Variants in PXDNL observed in about 807,000 individuals in gnomAD.
The protein encoded by PXDNL is probable oxidoreductase PXDNL.
In PXDNL, 145 loss-of-function variants were observed where a neutral mutation model predicts 150.8. The observed-to-expected ratio is 0.96, with a 90% CI of 0.84 to 1.10. The LOEUF is 1.10. Among genes scored for constraint, PXDNL ranks in the 50% least tolerant of loss-of-function variants. The pLI, the probability that PXDNL is intolerant of heterozygous loss-of-function variation, is 0.00. For missense variants in PXDNL, 2,087 were observed against 1,873.9 expected (o/e 1.11, Z -2.10); for synonymous variants, 757 against 725.7 (o/e 1.04, Z -0.69).
chr8:51,675,618 C>A (rs1168667123), intron 1 of PXDNL, among the ~76,000 whole-genome samples: 1 of 151,704 alleles, frequency 6.6e-6, no homozygotes, highest in South Asian at 2.1e-4. Flanking sequence ...TATGGTGAAA[C>A]CCTGTCTCTA....
chr8:51,499,551 T>TA, intron 5 of PXDNL, 148 bp downstream of exon 5: 1 of 567,256 alleles, frequency 1.8e-6, no homozygotes, highest in Middle Eastern at 2.8e-4. Context: ...TAGAAAGCTT[T>TA]ATATTAACTC....
chr8:51,364,400 T>G (rs1051625672), intron 19 of PXDNL, among the ~76,000 whole-genome samples: 1 of 152,176 alleles, frequency 6.6e-6, no homozygotes, highest in Non-Finnish European at 1.5e-5. Context: ...GGAAAATTTC[T>G]CCCCAGAAGA....
chr8:51,730,400 A>C (rs1455826934), intron 1 of PXDNL, among the ~76,000 whole-genome samples: 2 of 152,232 alleles, frequency 1.3e-5, no homozygotes, highest in African/African-American at 4.8e-5. Flanking sequence ...TATCATTGCT[A>C]TATTTTCATA....
At chr8:51,786,208 A>G (rs957437153) in intron 1 of PXDNL, among the ~76,000 whole-genome samples, 1 of 152,128 alleles carries the variant, frequency 6.6e-6, no homozygotes, top group African/African-American at 2.4e-5. Context: ...CTTTTTTAAG[A>G]AAACAATTTT....
intron 2 of PXDNL, among the ~76,000 whole-genome samples, chr8:51,599,847 C>T (rs1010340551): frequency 1.7e-4 from 21 of 123,194 alleles, no homozygotes; most frequent in African/African-American, 4.3e-4. Flanking sequence ...ATAAATTATA[C>T]CTTATATAAA....
chr8:51,703,753 T>C (rs1222815441), intron 1 of PXDNL, among the ~76,000 whole-genome samples: 1 of 152,238 alleles, frequency 6.6e-6, no homozygotes, highest in Admixed American at 6.5e-5. Context: ...AATGTGTTCA[T>C]ACATTTTAAA....
At chr8:51,579,809 G>T (rs1813164571) in intron 3 of PXDNL, among the ~76,000 whole-genome samples, 2 of 151,854 alleles carry the variant, frequency 1.3e-5, no homozygotes, top group Admixed American at 1.3e-4. Flanking sequence ...ATAAACTATT[G>T]ATATTACGCA....
At position 51,477,970 on chromosome 8, in the gene PXDNL, G is replaced by A. The variant is rs929013952; in HGVS notation, c.525-2829C>T. Among the ~76,000 whole-genome samples, 7 of 151,970 alleles carry A rather than the reference G, an allele frequency of 4.6e-5. No individual in the cohort carries two copies. The South Asian group carries it at 6.2e-4, about 13-fold the overall frequency. ...GGATATAGATTTTCACTTGCCAGTCGAAAAACTCCTTTTATGTTCAGAAAA... is the reference window on the plus strand; with the variant it reads ...GGATATAGATTTTCACTTGCCAGTCAAAAAACTCCTTTTATGTTCAGAAAA... On this transcript the variant is annotated intron_variant, in intron 6 of 22. Coordinates refer to ENST00000356297, the MANE Select transcript of PXDNL (RefSeq NM_144651.5).
At chr8:51,688,083 A>G (rs1008966622) in intron 1 of PXDNL, among the ~76,000 whole-genome samples, 2 of 152,220 alleles carry the variant, frequency 1.3e-5, no homozygotes, top group African/African-American at 4.8e-5. Flanking sequence ...GCAAGAGAAA[A>G]TCATTTACCT....
intron 4 of PXDNL, among the ~76,000 whole-genome samples, chr8:51,503,577 A>C (rs1811229166): frequency 6.6e-6 from 1 of 152,138 alleles, no homozygotes; most frequent in Non-Finnish European, 1.5e-5. Context: ...TTATTTTTCT[A>C]GGCTGTGGAT....
intron 2 of PXDNL, among the ~76,000 whole-genome samples, chr8:51,645,940 C>T (rs1258125440): frequency 6.6e-6 from 1 of 151,892 alleles, no homozygotes; most frequent in Non-Finnish European, 1.5e-5. Flanking sequence ...GTGCTGCGTG[C>T]TGAGCTGTGA....
intron 12 of PXDNL, among the ~76,000 whole-genome samples, chr8:51,444,549 C>G (rs1383663952): frequency 6.6e-6 from 1 of 152,114 alleles, no homozygotes; most frequent in African/African-American, 2.4e-5. Context: ...GAAGGAAATT[C>G]AAAACTAAGA....
intron 21 of PXDNL, 81 bp from the exon 22 acceptor site, chr8:51,320,978 A>G: frequency 9.7e-7 from 1 of 1,036,202 alleles, no homozygotes; most frequent in Non-Finnish European, 1.5e-6. Flanking sequence ...GTTTGATGAA[A>G]TGCTCTATTC....
chr8:51,490,866 TG>T (rs1341741291), intron 5 of PXDNL, among the ~76,000 whole-genome samples: 1 of 152,046 alleles, frequency 6.6e-6, no homozygotes, highest in Non-Finnish European at 1.5e-5. Flanking sequence ...ATTACCTAGC[TG>T]TGATGGTTAA....
Position 51,411,269 on chromosome 8 carries a change from A to G in PXDNL, c.2043T>C (p.Thr681=). The change falls in exon 16 of 23, where the codon ACT becomes ACC. Residue 681 remains threonine (T), a synonymous_variant. Coordinates refer to ENST00000356297, the MANE Select transcript of PXDNL (RefSeq NM_144651.5). ...LIRERVKQGL[T]VDLEGKEFRY... ...GCTGACCTTTGCCTTCCAAGTCCAC[A>G]GTGAGCCCCTGCTTCACACGTTCCC... 6.7e-7 allele frequency: 1 copy of G among 1,501,548 alleles called. No homozygotes were observed. Among genetic ancestry groups the G allele is most frequent in the Non-Finnish European group, 8.9e-7 (1 of 1,127,664 alleles). 93.0% of individuals were successfully genotyped at this position (1,501,548 alleles called of 1,614,324 possible).
intron 4 of PXDNL, among the ~76,000 whole-genome samples, chr8:51,551,143 C>A (rs1202340549): frequency 4.0e-5 from 6 of 151,886 alleles, no homozygotes; most frequent in African/African-American, 1.5e-4. Flanking sequence ...ATCTCTAAAA[C>A]AGAAACTAAA....
intron 1 of PXDNL, among the ~76,000 whole-genome samples, chr8:51,659,069 T>C (rs1815214298): frequency 6.6e-6 from 1 of 152,242 alleles, no homozygotes; most frequent in South Asian, 2.1e-4. Context: ...TTGTCATTCA[T>C]ATAAAACTTC....
chr8:51,387,972 C>T (rs141594880), intron 17 of PXDNL, among the ~76,000 whole-genome samples: 1 of 152,032 alleles, frequency 6.6e-6, no homozygotes, highest in Admixed American at 6.6e-5. Flanking sequence ...ATGTTATTCC[C>T]TGTAAAAAAT....
At chr8:51,782,822 T>C (rs1296316499) in intron 1 of PXDNL, among the ~76,000 whole-genome samples, 1 of 152,222 alleles carries the variant, frequency 6.6e-6, no homozygotes, top group Admixed American at 6.5e-5. Context: ...AAATTTCTCT[T>C]ATAGGCAGAA....
Sources: gnomAD v4.1 joint callset for allele counts (sites outside exome capture counted in the v4.1 genomes callset) on GRCh38, gnomAD v4.1.1 for gene constraint, MANE v1.5 for transcripts, NCBI Gene and HGNC (gene_info 2026-07-23, HGNC 2026-07-21) for gene names.